NCAPD3: variants seen among roughly 807,000 people sequenced by gnomAD.
NCAPD3 encodes the protein non-SMC condensin II complex subunit D3, also known as condensin-2 complex subunit D3.
NCAPD3 carries 105 observed loss-of-function variants against 182.9 expected under a neutral mutation model. The observed-to-expected ratio is 0.57, with a 90% confidence interval of 0.49 to 0.68. The LOEUF (loss-of-function observed/expected upper bound fraction) is 0.68. Among genes scored for constraint, NCAPD3 ranks in the 30% least tolerant of loss-of-function variants. NCAPD3 has a pLI of 0.00. For synonymous variants in NCAPD3, 815 were observed against 679.9 expected, an observed-to-expected ratio of 1.20 and a Z score of -3.09; for missense variants, 1,944 against 1,837.0, an observed-to-expected ratio of 1.06 and a Z score of -1.07.
At chr11:134,177,527 G>A (rs1944199404) in intron 22 of NCAPD3, 70 bp from the exon 23 acceptor site, 1 of 1,376,020 alleles carries the variant, frequency 7.3e-7, no homozygotes, top group Admixed American at 1.8e-5. Context: ...ATTTTCTCCA[G>A]ATACATCTTG....
Position 134,206,691 on chromosome 11 carries a change from T to C in NCAPD3, c.924A>G (p.Leu308=), listed in dbSNP as rs368010531. 3 of 1,612,904 alleles carry C rather than the reference T, an allele frequency of 1.9e-6. No homozygotes were observed. The highest frequency in any genetic ancestry group is 2.5e-6 in the Non-Finnish European group (3 of 1,179,388). Reference sequence around the variant, plus strand: ...GGGATCCTTCACCAACTTCTAACATTAATATTACACTGAGCATTTGATGGA... The same window carrying C: ...GGGATCCTTCACCAACTTCTAACATCAATATTACACTGAGCATTTGATGGA... ...CVFHQMLSVI[L]MLEVGEGSHR... The change falls in exon 8 of 35, where the codon TTA becomes TTG. Residue 308 remains leucine (L), a synonymous_variant. Transcript: ENST00000534548.
chr11:134,187,831 A>T (rs1292482757), intron 16 of NCAPD3, among the ~76,000 whole-genome samples: 1 of 152,202 alleles, frequency 6.6e-6, no homozygotes, highest in Non-Finnish European at 1.5e-5. Flanking sequence ...CTATTCTGTG[A>T]ATCTCCAGCA....
At chr11:134,160,838 C>T (rs1323720594) in intron 28 of NCAPD3, among the ~76,000 whole-genome samples, 1 of 152,080 alleles carries the variant, frequency 6.6e-6, no homozygotes, top group East Asian at 1.9e-4. Flanking sequence ...CCTCAAGCTA[C>T]TGACAACAAG....
intron 7 of NCAPD3, 110 bp from the exon 8 acceptor site, chr11:134,206,842 G>T: frequency 1.7e-6 from 2 of 1,180,202 alleles, no homozygotes; most frequent in Non-Finnish European, 2.3e-6. Flanking sequence ...AGGTAGGTCA[G>T]GCTGGCATAA....
intron 29 of NCAPD3, among the ~76,000 whole-genome samples, chr11:134,159,540 C>T (rs1249926983): frequency 1.3e-5 from 2 of 152,202 alleles, no homozygotes; most frequent in Non-Finnish European, 2.9e-5. Context: ...GGACGGTGAG[C>T]AACAGCTACT....
intron 32 of NCAPD3, 22 bp downstream of exon 32, chr11:134,156,996 C>A: frequency 1.3e-6 from 2 of 1,588,940 alleles, no homozygotes; most frequent in Non-Finnish European, 1.7e-6. Flanking sequence ...GAGAAGCCCA[C>A]GTGTTCCGAT....
intron 16 of NCAPD3, among the ~76,000 whole-genome samples, chr11:134,186,818 T>C (rs1199547284): frequency 6.6e-6 from 1 of 152,206 alleles, no homozygotes; most frequent in African/African-American, 2.4e-5. Flanking sequence ...AAATGAAGTT[T>C]TGCTAATATA....
At chr11:134,190,363 CATT>C (rs1293012654) in intron 16 of NCAPD3, among the ~76,000 whole-genome samples, 3 of 152,338 alleles carry the variant, frequency 2.0e-5, no homozygotes, top group African/African-American at 4.8e-5. Flanking sequence ...ATCCTCATAT[CATT>C]GTTGTTACTG....
chr11:134,176,778 A>G (rs982598810), intron 23 of NCAPD3, among the ~76,000 whole-genome samples: 2 of 152,234 alleles, frequency 1.3e-5, no homozygotes, highest in African/African-American at 2.4e-5. Flanking sequence ...GCAGAGCTCT[A>G]TAGTTCACTA....
Position 134,168,108 on chromosome 11 carries a change from A to G in NCAPD3, c.3461T>C (p.Ile1154Thr). ...TTTAGATCTCATTGCCAAAAGCTTGATCTCCTTTGAGCTGAGGACCTCAAA... is the reference window on the plus strand; with the variant it reads ...TTTAGATCTCATTGCCAAAAGCTTGGTCTCCTTTGAGCTGAGGACCTCAAA... Reference protein sequence around the residue: ...DTFEVLSSKEIKLLAMRSKPD... With the variant: ...DTFEVLSSKETKLLAMRSKPD... Residue 1154 changes from isoleucine (I) to threonine (T), a missense_variant, in exon 27 of 35, where the codon ATC becomes ACC. Coordinates refer to ENST00000534548, the MANE Select transcript of NCAPD3 (RefSeq NM_015261.3). 1 of 1,614,124 alleles carries G rather than the reference A, an allele frequency of 6.2e-7. No homozygotes were observed. Among genetic ancestry groups the G allele is most frequent in the Non-Finnish European group, 8.5e-7 (1 of 1,180,000 alleles).
At chr11:134,225,068 G>A (rs370688819), upstream of NCAPD3, 3 of 1,512,166 alleles carry the variant, frequency 2.0e-6, no homozygotes, top group Non-Finnish European at 2.7e-6. Flanking sequence ...AGGGCAGCCC[G>A]CGCCCCGGTG....
chr11:134,162,030 A>T, intron 27 of NCAPD3, 139 bp from the exon 28 acceptor site: 1 of 561,868 alleles, frequency 1.8e-6, no homozygotes, highest in East Asian at 3.1e-5. Context: ...TACTGGATGT[A>T]GAGGACCTCT....
chr11:134,207,609 GGC>G (rs1431793558), intron 7 of NCAPD3, among the ~76,000 whole-genome samples: 1 of 151,984 alleles, frequency 6.6e-6, no homozygotes, highest in Non-Finnish European at 1.5e-5. Flanking sequence ...TGGGCATGGT[GGC>G]GCGCACCTGT....
At chr11:134,185,656 T>C (rs2135986840) in intron 16 of NCAPD3, 130 bp from the exon 17 acceptor site, 1 of 621,726 alleles carries the variant, frequency 1.6e-6, no homozygotes, top group Non-Finnish European at 2.6e-6. Context: ...AACTTATATG[T>C]AGACGTTCCT....
At chr11:134,193,933 C>T (rs915605827) in intron 15 of NCAPD3, 83 bp downstream of exon 15, 79 of 1,412,122 alleles carry the variant, frequency 5.6e-5, no homozygotes, top group African/African-American at 2.9e-5. Context: ...GTCAACTTAA[C>T]GTTTAGCAGC....
Position 134,157,908 on chromosome 11 carries a change from G to A in NCAPD3, c.4174+20C>T. 1 of 1,606,170 alleles carries A rather than the reference G, an allele frequency of 6.2e-7. No individual in the cohort carries two copies. The highest frequency in any genetic ancestry group is 8.5e-7 in the Non-Finnish European group (1 of 1,175,218). ...ATCTGTAAATGCTCTACTGTGTCTG[G>A]CACCAAACATAAGGCTTACCCTGAC... On this transcript the variant is annotated intron_variant, in intron 31 of 34. Coordinates refer to ENST00000534548, the MANE Select transcript of NCAPD3 (RefSeq NM_015261.3).
At chr11:134,178,573 A>C (rs919625640) in intron 22 of NCAPD3, 61 bp downstream of exon 22, 2 of 1,301,840 alleles carry the variant, frequency 1.5e-6, no homozygotes, top group Admixed American at 4.6e-5. Context: ...GGCTGGGCTT[A>C]CTTAAGACAA....
intron 13 of NCAPD3, among the ~76,000 whole-genome samples, chr11:134,195,151 T>C (rs1361899152): frequency 6.6e-6 from 1 of 152,198 alleles, no homozygotes; most frequent in Non-Finnish European, 1.5e-5. Flanking sequence ...CCCAGGGTGG[T>C]GTACAGTGGT....
At chr11:134,196,623 C>T (rs1188260524) in intron 13 of NCAPD3, among the ~76,000 whole-genome samples, 2 of 98,586 alleles carry the variant, frequency 2.0e-5, no homozygotes, top group Non-Finnish European at 3.9e-5. Context: ...CCAGCCTGGA[C>T]AACAACAGCG....
Sources: allele counts gnomAD v4.1 joint callset (sites outside exome capture counted in the v4.1 genomes callset), GRCh38; gene constraint gnomAD v4.1.1; transcripts MANE v1.5; gene names NCBI Gene and HGNC (gene_info 2026-07-23, HGNC 2026-07-21).